The following MOV10 variants were observed in gnomAD, a reference collection of about 807,000 sequenced individuals.
MOV10 encodes the protein RNA helicase MOV-10.
MOV10 carries 39 observed loss-of-function variants against 108.4 expected under a neutral mutation model. That is an observed-to-expected ratio of 0.36 (90% CI 0.28 to 0.47). The LOEUF (loss-of-function observed/expected upper bound fraction) is 0.47. Among genes scored for constraint, MOV10 ranks in the 20% least tolerant of loss-of-function variants. The pLI is 1.00. For missense variants in MOV10, 952 were observed against 1,297.6 expected (o/e 0.73, Z 4.09); for synonymous variants, 490 against 523.1 (o/e 0.94, Z 0.86).
At chr1:112,684,413 G>A (rs180740778) in intron 2 of MOV10, among the ~76,000 whole-genome samples, 1,716 of 152,028 alleles carry the variant, frequency 0.011, 14 homozygotes, top group Non-Finnish European at 0.018. Flanking sequence ...GATTAGAGGT[G>A]CCTGCCACCA....
chr1:112,697,929 C>G (rs572603232), intron 14 of MOV10, 65 bp from the exon 15 acceptor site: 1 of 1,369,826 alleles, frequency 7.3e-7, no homozygotes. Flanking sequence ...GTGGGTAGAG[C>G]GGAGCCCCTG....
In MOV10 at chr1:112,694,726, C is replaced by A; in HGVS notation, c.1473-23C>A. On this transcript the variant is annotated intron_variant, in intron 9 of 20. Coordinates refer to ENST00000369645, the MANE Select transcript of MOV10 (RefSeq NM_001321324.2). This position sits in a 1 kb window ranked among gnomAD's most constrained non-coding sequence, Gnocchi z 4.1. ...CTGGGTCACTGGATGACTTCAAGTT[C>A]ACATTCCTGGTCCCTCTGCCAGGCT... 6.2e-7 allele frequency: 1 copy of A among 1,610,506 alleles called. No individual in the cohort carries two copies. Among genetic ancestry groups the A allele is most frequent in the Non-Finnish European group, 8.5e-7 (1 of 1,177,474 alleles).
Position 112,696,254 on chromosome 1 carries a change from G to T in MOV10, c.1883+3G>T. On this transcript the variant is annotated splice_donor_region_variant and intron_variant, in intron 12 of 20. Coordinates refer to ENST00000369645, the MANE Select transcript of MOV10 (RefSeq NM_001321324.2). ...ACCACCCTCATCACTGCCGGCAGGT[G>T]GGGAGTGTGTGTGGGTGTGTCTCTG... 7 of 1,601,346 alleles carry T rather than the reference G, an allele frequency of 4.4e-6. No individual in the cohort carries two copies. Among genetic ancestry groups the T allele is most frequent in the Non-Finnish European group, 6.0e-6 (7 of 1,168,472 alleles).
chr1:112,679,205 G>A (rs1426478886), intron 2 of MOV10, among the ~76,000 whole-genome samples: 1 of 152,050 alleles, frequency 6.6e-6, no homozygotes. Context: ...CAGCAGGGGC[G>A]GCCTAAGGCA....
chr1:112,699,485 A>G (rs1557773835), intron 17 of MOV10, 200 bp from the exon 18 acceptor site: 1 of 1,426,674 alleles, frequency 7.0e-7, no homozygotes, highest in African/African-American at 1.4e-5. Context: ...AGCCCTCAGC[A>G]GGATTCAACC....
intron 19 of MOV10, 54 bp downstream of exon 19, chr1:112,700,036 C>A (rs1674504101): frequency 1.2e-6 from 2 of 1,603,750 alleles, no homozygotes; most frequent in African/African-American, 1.3e-5. Flanking sequence ...CTGCCTAGGG[C>A]AGGTGGATCT....
At position 112,698,703 on chromosome 1, in the gene MOV10, C is replaced by T; in HGVS notation, c.2509-12C>T. On this transcript the variant is annotated splice_polypyrimidine_tract_variant and intron_variant, in intron 16 of 20. Transcript: ENST00000369645. ...ATGGCACGAGAGAAAGGCACCTGTC[C>T]CCTCCTTCCAGGTGGAGAAAATCCG... 1.2e-6 allele frequency: 2 copies of T among 1,612,430 alleles called. No individual in the cohort carries two copies. Among genetic ancestry groups the T allele is most frequent in the Non-Finnish European group, 1.7e-6 (2 of 1,178,416 alleles).
chr1:112,675,083 G>T lies in MOV10; in HGVS notation c.137+34G>T. ...CGGCCCACTCCCGGCCCCGAATCGCGGGCCCAGCTTGCTGCCACGACCCCC... is the reference window on the plus strand; with the variant it reads ...CGGCCCACTCCCGGCCCCGAATCGCTGGCCCAGCTTGCTGCCACGACCCCC... On this transcript the variant is annotated intron_variant, in intron 2 of 20. Transcript: ENST00000369645. The surrounding 1 kb of genome is among the most constrained non-coding windows in gnomAD (Gnocchi z 4.7). 6.4e-7 allele frequency: 1 copy of T among 1,570,862 alleles called. No homozygotes were observed. The highest frequency in any genetic ancestry group is 8.6e-7 in the Non-Finnish European group (1 of 1,162,650).
chr1:112,677,607 A>G (rs1218705745), intron 2 of MOV10, among the ~76,000 whole-genome samples: 1 of 152,092 alleles, frequency 6.6e-6, no homozygotes, highest in Non-Finnish European at 1.5e-5. Context: ...AAGCCAGTGT[A>G]TTATGCTAGC....
At chr1:112,687,867 C>A (rs1473427211) in intron 2 of MOV10, among the ~76,000 whole-genome samples, 2 of 152,070 alleles carry the variant, frequency 1.3e-5, no homozygotes, top group Non-Finnish European at 2.9e-5. Flanking sequence ...GTCAACTGAG[C>A]TGACCTGGCT....
intron 17 of MOV10, 101 bp from the exon 18 acceptor site, chr1:112,699,584 C>G: frequency 6.4e-7 from 1 of 1,553,050 alleles, no homozygotes; most frequent in Non-Finnish European, 8.7e-7. Flanking sequence ...TACAATTGCC[C>G]AGTGACCTCT....
chr1:112,688,205 A>G (rs962516265), intron 2 of MOV10: 1 of 241,790 alleles, frequency 4.1e-6, no homozygotes, highest in African/African-American at 2.3e-5. Flanking sequence ...AGCATCCAGC[A>G]TAGTGTCTGG....
intron 4 of MOV10, 57 bp from the exon 5 acceptor site, chr1:112,689,783 G>A: frequency 6.3e-7 from 1 of 1,594,608 alleles, no homozygotes; most frequent in South Asian, 1.1e-5. Context: ...GAGTGTCCGG[G>A]ATAAGGATAT....
intron 2 of MOV10, among the ~76,000 whole-genome samples, chr1:112,676,176 G>T (rs925921457): frequency 1.1e-4 from 17 of 152,154 alleles, no homozygotes; most frequent in African/African-American, 4.1e-4. Flanking sequence ...CACCATGCTG[G>T]ACACTATGGG....
At chr1:112,697,662 G>A (rs1177464711) in intron 14 of MOV10, among the ~76,000 whole-genome samples, 4 of 152,140 alleles carry the variant, frequency 2.6e-5, no homozygotes, top group African/African-American at 9.7e-5. Context: ...TTTAACACAT[G>A]GTCTCATCAA....
intron 2 of MOV10, among the ~76,000 whole-genome samples, chr1:112,682,799 C>A (rs1672764949): frequency 6.6e-6 from 1 of 152,084 alleles, no homozygotes; most frequent in Admixed American, 6.6e-5. Context: ...TCAGTAGTTT[C>A]TTTTTTATCA....
chr1:112,691,418 G>A (rs186256727), intron 5 of MOV10, among the ~76,000 whole-genome samples: 251 of 152,318 alleles, frequency 1.6e-3, no homozygotes, highest in African/African-American at 5.9e-3. Context: ...TGGTAAGAAT[G>A]ATATTTACTT....
At position 112,695,462 on chromosome 1, in the gene MOV10, C is replaced by T. The variant is rs1557767846; in HGVS notation, c.1667C>T (p.Ser556Phe). Residue 556 changes from serine (S) to phenylalanine (F), a missense_variant, in exon 11 of 21, where the codon TCC (serine) becomes TTC (phenylalanine). Around this residue, in one of 5 missense-constraint regions of MOV10, gnomAD observed 453 missense variants for 611.5 expected, o/e 0.74. Transcript: ENST00000369645. ...GCCCACATCTTGGCCTGCGCTCCAT[C>T]CAACTCAGGGGCTGACCTACTCTGT... ...PKAHILACAP[S>F]NSGADLLCQR... 6.2e-7 allele frequency: 1 copy of T among 1,614,234 alleles called. No homozygotes were observed. Among genetic ancestry groups the T allele is most frequent in the Non-Finnish European group, 8.5e-7 (1 of 1,180,050 alleles).
At chr1:112,690,150 G>C (rs777163286) in intron 5 of MOV10, 52 bp downstream of exon 5, 2 of 1,589,216 alleles carry the variant, frequency 1.3e-6, no homozygotes, top group Non-Finnish European at 1.7e-6. Context: ...TCAACCACAT[G>C]GGCCAGGGCT....
Sources: allele counts gnomAD v4.1 joint callset (sites outside exome capture counted in the v4.1 genomes callset), GRCh38; gene constraint gnomAD v4.1.1; regional missense constraint gnomAD v4.1.1; non-coding constraint Gnocchi (gnomAD v3.1); transcripts MANE v1.5; gene names NCBI Gene and HGNC (gene_info 2026-07-23, HGNC 2026-07-21).